Variants in MDN1 observed in about 807,000 individuals in gnomAD.
MDN1 encodes midasin AAA ATPase 1, also known as midasin.
A neutral mutation model predicts 669.2 loss-of-function variants in MDN1; 266 were observed. That is an observed-to-expected ratio of 0.40 (90% CI 0.36 to 0.44). The LOEUF is 0.44. MDN1 is among the 20% of genes least tolerant of loss of function. MDN1 has a pLI of 1.00. For synonymous variants in MDN1, 2,385 were observed against 2,457.1 expected, an observed-to-expected ratio of 0.97 and a Z score of 0.87; for missense variants, 5,940 against 6,754.0, an observed-to-expected ratio of 0.88 and a Z score of 4.22.
chr6:89,647,161 A>C (rs1808542590), intron 99 of MDN1, among the ~76,000 whole-genome samples: 1 of 152,204 alleles, frequency 6.6e-6, no homozygotes, highest in Non-Finnish European at 1.5e-5. Flanking sequence ...AGATACCCCA[A>C]AGGAAAAGAA....
chr6:89,814,735 G>C (rs767622998), intron 1 of MDN1: 4 of 365,006 alleles, frequency 1.1e-5, no homozygotes, highest in Non-Finnish European at 2.2e-5. Context: ...TCCAGCACCA[G>C]GAGCAGCCGC....
chr6:89,795,466 G>A (rs1187592718), intron 2 of MDN1, among the ~76,000 whole-genome samples: 1 of 152,054 alleles, frequency 6.6e-6, no homozygotes, highest in African/African-American at 2.4e-5. Flanking sequence ...AGTGGGGTAT[G>A]GTGGAGCCTG....
Position 89,794,697 on chromosome 6 carries a change from A to G in MDN1, c.434T>C (p.Leu145Pro). The change falls in exon 3 of 102, where the codon CTC becomes CCC. Residue 145 changes from leucine (L) to proline (P), a missense_variant. Leu to Pro is a moderately conservative substitution (Grantham distance 98). This residue lies in a region of MDN1 where 1,203 missense variants were observed against 1,268.9 expected (regional missense o/e 0.95). Coordinates refer to ENST00000369393, the MANE Select transcript of MDN1 (RefSeq NM_014611.3). ...GAAGGCTGCTTCCATTAGGTCCCGG[A>G]GCTTCATCCTCCTACGTCCATAGCG... ...PVRYGRRRMKLRDLMEAAFKF... is the reference protein window; with the variant it reads ...PVRYGRRRMKPRDLMEAAFKF... The G allele has an allele frequency of 1.2e-6, 2 of 1,614,192 alleles. No homozygotes were observed. The highest frequency in any genetic ancestry group is 1.7e-6 in the Non-Finnish European group (2 of 1,180,040).
intron 37 of MDN1, among the ~76,000 whole-genome samples, chr6:89,725,930 TACACACACACACACACACACACACAC>T (rs71024397): frequency 6.8e-6 from 1 of 147,582 alleles, no homozygotes; most frequent in East Asian, 2.0e-4. Context: ...TGGTATTTTA[TACACACACACACACACACACACACAC>T]ACACACACAC....
At chr6:89,678,998 G>A (rs1348163797) in intron 74 of MDN1, among the ~76,000 whole-genome samples, 3 of 152,122 alleles carry the variant, frequency 2.0e-5, no homozygotes, top group Non-Finnish European at 2.9e-5. Context: ...ATAACAACCC[G>A]AACAGCAGCA....
chr6:89,725,593 C>T (rs996548466), intron 37 of MDN1, among the ~76,000 whole-genome samples, 197 bp from the exon 38 acceptor site: 2 of 152,054 alleles, frequency 1.3e-5, no homozygotes, highest in African/African-American at 2.4e-5. Context: ...GTTTTTGAGA[C>T]AGGGTTTCAC....
In MDN1 at chr6:89,662,127, C is replaced by A. The variant is rs757609505; in HGVS notation, c.14525G>T (p.Gly4842Val). ...EEKEEAEADD[G>V]GQGEDKINEQ... The stretch of plus-strand genomic sequence containing the variant: ...ATTAATTTTGTCTTCACCTTGTCCA[C>A]CATCATCAGCTTCTGCTTCTTCCTT... The change falls in exon 87 of 102, where the codon GGT becomes GTT. Residue 4842 changes from glycine to valine, a missense_variant. Transcript: ENST00000369393. 3.8e-5 allele frequency: 61 copies of A among 1,613,506 alleles called. No individual in the cohort carries two copies. The highest frequency in any genetic ancestry group is 4.9e-5 in the Non-Finnish European group (58 of 1,179,912).
chr6:89,797,310 G>A (rs1819659381), intron 2 of MDN1, among the ~76,000 whole-genome samples: 1 of 141,374 alleles, frequency 7.1e-6, no homozygotes, highest in African/African-American at 2.6e-5. Context: ...GGAGGCAGAG[G>A]TTGCAGTGAG....
intron 88 of MDN1, among the ~76,000 whole-genome samples, chr6:89,659,664 C>A (rs895104671): frequency 1.3e-5 from 2 of 151,662 alleles, no homozygotes; most frequent in Non-Finnish European, 2.9e-5. Context: ...AACAAACAAA[C>A]AAAAAAACAC....
chr6:89,684,015 A>C, intron 71 of MDN1, 111 bp from the exon 72 acceptor site: 4 of 792,778 alleles, frequency 5.0e-6, no homozygotes, highest in Non-Finnish European at 8.4e-6. Flanking sequence ...CAAACACAGG[A>C]CTGTGTGTCA....
intron 72 of MDN1, 85 bp from the exon 73 acceptor site, chr6:89,683,415 A>C (rs1378604536): frequency 1.9e-6 from 2 of 1,070,704 alleles, no homozygotes; most frequent in Non-Finnish European, 2.8e-6. Context: ...TCATGCATCC[A>C]TACATAATCT....
chr6:89,811,446 T>A (rs928626788), intron 1 of MDN1, among the ~76,000 whole-genome samples: 3 of 151,880 alleles, frequency 2.0e-5, no homozygotes, highest in South Asian at 4.1e-4. Context: ...TCTTTTTATT[T>A]TTTTTTTTTA....
chr6:89,720,647 T>C (rs1233822153), intron 40 of MDN1, among the ~76,000 whole-genome samples: 1 of 152,156 alleles, frequency 6.6e-6, no homozygotes, highest in Non-Finnish European at 1.5e-5. Context: ...ATTCAACAAC[T>C]GGCATGTGTT....
Position 89,729,046 on chromosome 6 carries a change from A to G in MDN1, c.5234T>C (p.Leu1745Pro). The change falls in exon 36 of 102, where the codon CTG becomes CCG. Residue 1745 changes from leucine (L) to proline (P), a missense_variant. Physicochemically the swap from Leu to Pro is moderately conservative, Grantham distance 98 (BLOSUM62 -3). Coordinates refer to ENST00000369393, the MANE Select transcript of MDN1 (RefSeq NM_014611.3). ...ACCCTCCAGGAGAATGGGCTTCTTC[A>G]GTTTGGTAGCTCTTAAGAGCCTCTG... is the stretch of plus-strand genomic sequence containing the variant. ...NAQRLLRATK[L>P]KKPILLEGSP... The G allele has an allele frequency of 6.2e-7, 1 of 1,614,088 alleles. No individual in the cohort carries two copies. Among genetic ancestry groups the G allele is most frequent in the Non-Finnish European group, 8.5e-7 (1 of 1,179,994 alleles).
At chr6:89,758,602 A>C (rs1302299458) in intron 18 of MDN1, among the ~76,000 whole-genome samples, 1 of 152,192 alleles carries the variant, frequency 6.6e-6, no homozygotes, top group Non-Finnish European at 1.5e-5. Flanking sequence ...TATTATCCAC[A>C]ACTCAAACAC....
At chr6:89,736,153 G>A (rs1014275132) in intron 33 of MDN1, among the ~76,000 whole-genome samples, 1 of 152,170 alleles carries the variant, frequency 6.6e-6, no homozygotes, top group African/African-American at 2.4e-5. Flanking sequence ...TAACTGCTGT[G>A]AATTATTAAG....
At chr6:89,717,471 T>C (rs371415583) in intron 43 of MDN1, among the ~76,000 whole-genome samples, 3 of 152,256 alleles carry the variant, frequency 2.0e-5, no homozygotes, top group East Asian at 3.8e-4. Flanking sequence ...CTATTAGATG[T>C]AGATAATCCT....
At chr6:89,710,885 A>G (rs1813861531) in intron 49 of MDN1, 91 bp from the exon 50 acceptor site, 2 of 720,378 alleles carry the variant, frequency 2.8e-6, no homozygotes, top group East Asian at 3.1e-5. Context: ...ACAGCTGCAT[A>G]GAATAACCAC....
chr6:89,725,390 G>A lies in MDN1; in HGVS notation c.5479C>T (p.Leu1827=). The change falls in exon 38 of 102, where the codon CTG becomes TTG. Residue 1827 remains leucine, a synonymous_variant. Coordinates refer to ENST00000369393, the MANE Select transcript of MDN1 (RefSeq NM_014611.3). ...CCTTCCAATACAGACTGAGAAGCCA[G>A]GTTAAGCTATTTAAAGAAGAAAGTA... ...GHWVVLDELN[L]ASQSVLEGLN... is the part of the protein sequence containing the mutation. 1 of 1,612,814 alleles carries A rather than the reference G, an allele frequency of 6.2e-7. No individual in the cohort carries two copies.
Sources: gnomAD v4.1 joint callset for allele counts (sites outside exome capture counted in the v4.1 genomes callset) on GRCh38, gnomAD v4.1.1 for gene constraint, gnomAD v4.1.1 regional missense constraint, MANE v1.5 for transcripts, NCBI Gene and HGNC (gene_info 2026-07-23, HGNC 2026-07-21) for gene names.